Variants in MYO9B observed in about 807,000 individuals in gnomAD.
The protein encoded by MYO9B is unconventional myosin-IXb.
In MYO9B, 71 loss-of-function variants were observed where a neutral mutation model predicts 229.5. That is an observed-to-expected ratio of 0.31 (90% CI 0.26 to 0.38). MYO9B has a LOEUF of 0.38. Ranked by LOEUF, MYO9B falls within the 10% of genes least tolerant of loss-of-function variation. The pLI is 1.00. For synonymous variants in MYO9B, 1,185 were observed against 1,235.8 expected (o/e 0.96, Z 0.86); for missense variants, 2,255 against 2,920.5 (o/e 0.77, Z 5.25).
intron 1 of MYO9B, among the ~76,000 whole-genome samples, chr19:17,087,472 C>T (rs994697165): frequency 4.6e-5 from 7 of 152,134 alleles, no homozygotes; most frequent in East Asian, 3.9e-4. Context: ...TGGGAATATT[C>T]GGCTAAGGCA....
chr19:17,207,053 GCTCCCTGGTAC>G, intron 34 of MYO9B, 49 bp from the exon 35 acceptor site: 1 of 1,586,570 alleles, frequency 6.3e-7, no homozygotes, highest in Non-Finnish European at 8.6e-7. Context: ...CAGTCTCGGG[GCTCCCTGGTAC>G]CTCCCTCCCT....
intron 2 of MYO9B, among the ~76,000 whole-genome samples, chr19:17,115,469 C>CTTTTTTTTTTTTTTTTTT (rs35124094): frequency 7.5e-6 from 1 of 132,508 alleles, no homozygotes; most frequent in Non-Finnish European, 1.6e-5. Flanking sequence ...TCACAGATGC[C>CTTTTTTTTTTTTTTTTTT]TTTTTTTTTT....
chr19:17,109,779 G>A (rs536223248), intron 2 of MYO9B, among the ~76,000 whole-genome samples: 1 of 152,326 alleles, frequency 6.6e-6, no homozygotes, highest in South Asian at 2.1e-4. Flanking sequence ...TCCCCTGTGT[G>A]TGTCCAATCT....
chr19:17,199,069 G>A (rs1257050655), intron 24 of MYO9B, among the ~76,000 whole-genome samples: 4 of 152,038 alleles, frequency 2.6e-5, no homozygotes, highest in African/African-American at 7.2e-5. Context: ...CAGGCAGGGC[G>A]GTGCATGCCT....
chr19:17,181,195 T>C (rs1046310276), intron 15 of MYO9B, among the ~76,000 whole-genome samples, 155 bp downstream of exon 15: 1 of 152,168 alleles, frequency 6.6e-6, no homozygotes, highest in East Asian at 1.9e-4. Flanking sequence ...TAAATGCCAA[T>C]CAATAACACC....
At chr19:17,127,436 C>T (rs1016860005) in intron 2 of MYO9B, among the ~76,000 whole-genome samples, 6 of 151,774 alleles carry the variant, frequency 4.0e-5, no homozygotes, top group Admixed American at 1.3e-4. Flanking sequence ...AAGCGATTCT[C>T]CTGCCTCAGC....
intron 1 of MYO9B, among the ~76,000 whole-genome samples, chr19:17,094,606 T>C (rs976720400): frequency 1.3e-5 from 2 of 152,166 alleles, no homozygotes; most frequent in African/African-American, 4.8e-5. Flanking sequence ...TTTTTAAAAC[T>C]TAATTAAGGA....
Position 17,193,022 on chromosome 19 carries a change from C to T in MYO9B, c.3088C>T (p.Arg1030Cys), listed in dbSNP as rs772308751. The T allele has an allele frequency of 2.1e-5, 32 of 1,488,678 alleles. No individual in the cohort carries two copies. Among genetic ancestry groups the T allele is most frequent in the Middle Eastern group, 3.5e-4 (2 of 5,732 alleles). 92.2% of individuals were successfully genotyped at this position (1,488,678 alleles called of 1,614,324 possible). The part of the protein sequence containing the change: ...LYRHQKQSII[R>C]LQSLCRGHLQ... The stretch of plus-strand genomic sequence containing the variant: ...CCGGCACCAGAAACAGAGCATCATC[C>T]GCCTGCAGAGCCTGTGTCGGGGGCA... The change falls in exon 21 of 40, where the codon CGC becomes TGC. Residue 1030 changes from arginine to cysteine, a missense_variant. Arg to Cys is a radical substitution (Grantham distance 180, BLOSUM62 -3). This residue lies in a region of MYO9B where 679 missense variants were observed against 770.2 expected (regional missense o/e 0.88). Transcript: ENST00000682292. The surrounding 1 kb of genome is among the most constrained non-coding windows in gnomAD (Gnocchi z 4.3).
chr19:17,196,027 G>A (rs1424169143), intron 22 of MYO9B, among the ~76,000 whole-genome samples: 1 of 151,662 alleles, frequency 6.6e-6, no homozygotes, highest in Non-Finnish European at 1.5e-5. Flanking sequence ...GGGCTGTCCT[G>A]TGTATCATAA....
Position 17,212,065 on chromosome 19 carries a change from C to A in MYO9B, c.6229C>A (p.Pro2077Thr). 1 of 1,601,604 alleles carries A rather than the reference C, an allele frequency of 6.2e-7. No homozygotes were observed. ...TANIKLPPGL[P>T]SHLPRWAPGA... ...CAACATCAAGCTCCCACCAGGCCTG[C>A]CCTCCCACCTGCCTCGCTGGGCACC... Residue 2077 changes from proline (P) to threonine (T), a missense_variant, in exon 40 of 40, where the codon CCC (proline) becomes ACC (threonine). This residue lies in a region of MYO9B where 331 missense variants were observed against 332.5 expected (regional missense o/e 1.00). Transcript: ENST00000682292. This position sits in a 1 kb window ranked among gnomAD's most constrained non-coding sequence, Gnocchi z 5.4.
In MYO9B at chr19:17,189,011, A is replaced by T. The variant is rs1026657148; in HGVS notation, c.2688+966A>T. ...AAAAATACAAAAAAAAAAAAAAAAA[A>T]TTAGCCAGGCATGGTGGGGCACACC... On this transcript the variant is annotated intron_variant, in intron 19 of 39. Coordinates refer to ENST00000682292, the MANE Select transcript of MYO9B (RefSeq NM_004145.4). 5.1e-5 allele frequency among the ~76,000 whole-genome samples: 7 copies of T among 135,986 alleles called. No individual in the cohort carries two copies. In the Admixed American group the frequency reaches 5.3e-4, roughly 10 times the overall value. 89.2% of individuals were successfully genotyped at this position (135,986 alleles called of 152,430 possible). A position where few individuals can be genotyped will look rare whatever the true frequency, so the allele number is the denominator to read the frequency against.
chr19:17,210,738 C>T lies in MYO9B; in HGVS notation c.5820C>T (p.Asp1940=), dbSNP rs374674672. The change falls in exon 38 of 40, where the codon GAC becomes GAT. Residue 1940 remains aspartate, a synonymous_variant. Coordinates refer to ENST00000682292, the MANE Select transcript of MYO9B (RefSeq NM_004145.4). The part of the protein sequence containing the change: ...GVLNKSPKTR[D]IQEEELEVLL... ...AGAACAAGAGCCCCAAGACCCGGGACATCCAGGAGGAGGAGCTGGAGGTGC... is the reference window on the plus strand; with the variant it reads ...AGAACAAGAGCCCCAAGACCCGGGATATCCAGGAGGAGGAGCTGGAGGTGC... The T allele has an allele frequency of 3.5e-4, 545 of 1,557,786 alleles. 6 individuals carry two copies. The South Asian group carries it at 6.2e-3, about 18-fold the overall frequency.
chr19:17,152,650 C>A lies in MYO9B; in HGVS notation c.942C>A (p.Val314=). ...GTTTTTCTCTTAATGACAGAGCTGT[C>A]GTCGAGAAATATCTGCTTGAAAAGT... The part of the protein sequence containing the change: ...YLESGIVRGA[V]VEKYLLEKSR... The change falls in exon 4 of 40, where the codon GTC becomes GTA. Residue 314 remains valine (V), a synonymous_variant. Transcript: ENST00000682292. 1 of 1,612,288 alleles carries A rather than the reference C, an allele frequency of 6.2e-7. No homozygotes were observed.
intron 1 of MYO9B, among the ~76,000 whole-genome samples, chr19:17,088,918 C>T (rs191785493): frequency 4.8e-4 from 73 of 152,174 alleles, no homozygotes; most frequent in African/African-American, 1.6e-3. Flanking sequence ...TCTCAAACTC[C>T]TAGGCTCAAG....
chr19:17,181,127 A>C (rs1599399691), intron 15 of MYO9B, 87 bp downstream of exon 15: 1 of 898,204 alleles, frequency 1.1e-6, no homozygotes. Context: ...CAGTCTTCCT[A>C]ATTTGCATCG....
intron 1 of MYO9B, among the ~76,000 whole-genome samples, chr19:17,088,871 G>A (rs1330343736): frequency 6.6e-6 from 1 of 151,724 alleles, no homozygotes; most frequent in Non-Finnish European, 1.5e-5. Context: ...TTTATTTTTT[G>A]TAGAATTGGG....
intron 10 of MYO9B, among the ~76,000 whole-genome samples, chr19:17,166,410 ACAAT>A (rs2072659779): frequency 2.0e-5 from 3 of 152,280 alleles, no homozygotes; most frequent in Admixed American, 2.0e-4. Context: ...TTTCCTGTTT[ACAAT>A]CATTCATTTA....
chr19:17,089,801 C>T (rs2057619292), intron 1 of MYO9B, among the ~76,000 whole-genome samples: 1 of 152,110 alleles, frequency 6.6e-6, no homozygotes, highest in Non-Finnish European at 1.5e-5. Context: ...GTGAAATGCA[C>T]ATAACGTGTA....
At chr19:17,197,153 T>G (rs571804347) in intron 22 of MYO9B, among the ~76,000 whole-genome samples, 2 of 151,920 alleles carry the variant, frequency 1.3e-5, no homozygotes, top group African/African-American at 4.8e-5. Context: ...GGCGCATGCC[T>G]CTAATCCCAG....
Sources: gnomAD v4.1 joint callset for allele counts (sites outside exome capture counted in the v4.1 genomes callset) on GRCh38, gnomAD v4.1.1 for gene constraint, gnomAD v4.1.1 regional missense constraint, Gnocchi (gnomAD v3.1) non-coding constraint, MANE v1.5 for transcripts, NCBI Gene and HGNC (gene_info 2026-07-23, HGNC 2026-07-21) for gene names.